Variants in CASZ1 observed in about 807,000 individuals in gnomAD.
CASZ1 encodes the protein castor zinc finger 1, also known as zinc finger protein castor homolog 1.
CASZ1 carries 28 observed loss-of-function variants against 135.2 expected under a neutral mutation model. The ratio of observed to expected loss-of-function variants is 0.21; its 90% CI spans 0.15 to 0.28. The LOEUF (loss-of-function observed/expected upper bound fraction) is 0.28, where lower values mean the gene tolerates loss of function less well. CASZ1 is among the 10% of genes least tolerant of loss of function. The pLI is 1.00. For missense variants in CASZ1, 2,161 were observed against 2,453.3 expected, an observed-to-expected ratio of 0.88 and a Z score of 2.52; for synonymous variants, 1,068 against 1,073.4, an observed-to-expected ratio of 0.99 and a Z score of 0.10.
At chr1:10,792,796 G>A (rs1441259356) in intron 1 of CASZ1, among the ~76,000 whole-genome samples, 1 of 150,238 alleles carries the variant, frequency 6.7e-6, no homozygotes, top group East Asian at 1.9e-4. Flanking sequence ...AGAGGTTATC[G>A]ATATTCTCCC....
intron 3 of CASZ1, among the ~76,000 whole-genome samples, chr1:10,698,814 G>GGA (rs1639000020): frequency 6.6e-6 from 1 of 152,220 alleles, no homozygotes; most frequent in African/African-American, 2.4e-5. Flanking sequence ...GAAGTCCTCA[G>GGA]CTCTGTCTCA....
At position 10,711,100 on chromosome 1, in the gene CASZ1, C is replaced by T. The variant is rs1639277298; in HGVS notation, c.-76-5556G>A. Among the ~76,000 whole-genome samples, 1 of 152,180 alleles carries T rather than the reference C, an allele frequency of 6.6e-6. No homozygotes were observed. The highest frequency in any genetic ancestry group is 2.4e-5 in the African/African-American group (1 of 41,440). ...GAGCTGAGATCATGCAACTACACTC[C>T]AGCCTGGGCGACAGAGCGAGACTCC... On this transcript the variant is annotated intron_variant, in intron 2 of 20. Coordinates refer to ENST00000377022, the MANE Select transcript of CASZ1 (RefSeq NM_001079843.3). The surrounding 1 kb of genome is among the most constrained non-coding windows in gnomAD (Gnocchi z 4.4).
At chr1:10,654,387 C>T (rs1642716773) in intron 10 of CASZ1, 32 bp downstream of exon 10, 8 of 1,605,726 alleles carry the variant, frequency 5.0e-6, no homozygotes, top group Non-Finnish European at 6.8e-6. Flanking sequence ...CCCGCTTCTG[C>T]CCACGAAGGC....
intron 2 of CASZ1, among the ~76,000 whole-genome samples, chr1:10,729,135 C>T (rs1639651525): frequency 1.3e-5 from 2 of 152,094 alleles, no homozygotes; most frequent in Admixed American, 6.5e-5. Flanking sequence ...GAGGGGGCGG[C>T]CGGCCTGCGG....
chr1:10,649,725 C>T (rs1164482952), intron 13 of CASZ1: 9 of 358,814 alleles, frequency 2.5e-5, no homozygotes, highest in Admixed American at 1.3e-4. Context: ...TCAGGGTGCA[C>T]GCTGCAGCCC....
intron 1 of CASZ1, among the ~76,000 whole-genome samples, chr1:10,787,051 ATTCT>A (rs1640871974): frequency 6.6e-6 from 1 of 152,156 alleles, no homozygotes. Flanking sequence ...ACCATGATAA[ATTCT>A]TCGTTACGTT....
chr1:10,670,888 C>T (rs564154659), intron 4 of CASZ1, among the ~76,000 whole-genome samples: 38 of 152,254 alleles, frequency 2.5e-4, no homozygotes, highest in African/African-American at 8.9e-4. Context: ...GGGAGTCCTT[C>T]CCTCTTGGAC....
chr1:10,749,919 G>C (rs757424826), intron 2 of CASZ1, among the ~76,000 whole-genome samples: 7 of 152,168 alleles, frequency 4.6e-5, no homozygotes, highest in Non-Finnish European at 1.0e-4. Flanking sequence ...AGGCTCACAC[G>C]GGTCTCCGGA....
rs1639925540 is a variant in CASZ1 at position 10,741,747 on chromosome 1, T to C, written c.-77+18954A>G. ...GGAATGCCAGACATTTTGCAGCTTT[T>C]ATAACATGTGTAGGAGTCTTTACAA... On this transcript the variant is annotated intron_variant, in intron 2 of 20. Transcript: ENST00000377022. This position sits in a 1 kb window ranked among gnomAD's most constrained non-coding sequence, Gnocchi z 5.0. 6.6e-6 allele frequency among the ~76,000 whole-genome samples: 1 copy of C among 152,160 alleles called. No homozygotes were observed. The highest frequency in any genetic ancestry group is 2.4e-5 in the African/African-American group (1 of 41,448).
chr1:10,693,729 GGCCGGGAC>G, intron 4 of CASZ1, 137 bp downstream of exon 4: 1 of 783,082 alleles, frequency 1.3e-6, no homozygotes, highest in Non-Finnish European at 2.2e-6. Context: ...CCGATCCCGA[GGCCGGGAC>G]GCCGGGAGGC....
chr1:10,787,098 A>G, intron 1 of CASZ1, among the ~76,000 whole-genome samples: 1 of 152,202 alleles, frequency 6.6e-6, no homozygotes, highest in East Asian at 1.9e-4. Flanking sequence ...CATAGCTAAG[A>G]GCCCAGCCAA....
chr1:10,739,994 G>C lies in CASZ1; in HGVS notation c.-77+20707C>G, dbSNP rs906890962. ...GGACAAGGTCTCATTCCAGTGGCCC[G>C]GTGTCACAGCGTGTCCTCATTTGCA... On this transcript the variant is annotated intron_variant, in intron 2 of 20. Transcript: ENST00000377022. This position sits in a 1 kb window ranked among gnomAD's most constrained non-coding sequence, Gnocchi z 4.8. Among the ~76,000 whole-genome samples the C allele has an allele frequency of 6.6e-6, 1 of 152,148 alleles. No individual in the cohort carries two copies. The highest frequency in any genetic ancestry group is 2.4e-5 in the African/African-American group (1 of 41,424).
At chr1:10,772,286 A>G (rs1354265714) in intron 1 of CASZ1, among the ~76,000 whole-genome samples, 2 of 152,182 alleles carry the variant, frequency 1.3e-5, no homozygotes, top group African/African-American at 4.8e-5. Context: ...CACATCCATC[A>G]GTCCCAGGCA....
rs367739881 is a variant in CASZ1 at position 10,660,345 on chromosome 1, G to A, written c.697C>T (p.Arg233Trp). 26 of 1,614,154 alleles carry A rather than the reference G, an allele frequency of 1.6e-5. No individual in the cohort carries two copies. Among genetic ancestry groups the A allele is most frequent in the East Asian group, 2.2e-5 (1 of 44,876 alleles). The change falls in exon 6 of 21, where the codon CGG becomes TGG. Residue 233 changes from arginine (R) to tryptophan (W), a missense_variant. Physicochemically the swap from Arg to Trp is moderately radical, Grantham distance 101. Coordinates refer to ENST00000377022, the MANE Select transcript of CASZ1 (RefSeq NM_001079843.3). ...TCCTCATACTTAGAGAACCGCGCCC[G>A]CTTGCTGAGGGTATCCTCGGAGGTG... Reference protein sequence around the residue: ...LPTSEDTLSKRARFSKYEEYI... With the variant: ...LPTSEDTLSKWARFSKYEEYI...
chr1:10,703,118 G>A (rs1048548485), intron 3 of CASZ1, among the ~76,000 whole-genome samples: 1 of 152,166 alleles, frequency 6.6e-6, no homozygotes, highest in Non-Finnish European at 1.5e-5. Flanking sequence ...AAAGAGGACA[G>A]CAAGAGAGAC....
chr1:10,733,148 G>A (rs1198487555), intron 2 of CASZ1, among the ~76,000 whole-genome samples: 1 of 152,194 alleles, frequency 6.6e-6, no homozygotes, highest in Admixed American at 6.5e-5. Context: ...AGGAAAGAAA[G>A]AGGGCAGGCC....
At chr1:10,650,794 C>A (rs767535083) in intron 12 of CASZ1, 39 bp from the exon 13 acceptor site, 3 of 1,609,398 alleles carry the variant, frequency 1.9e-6, no homozygotes, top group Non-Finnish European at 1.7e-6. Context: ...CTCAGACGGC[C>A]GGGGCCTGGG....
intron 2 of CASZ1, among the ~76,000 whole-genome samples, chr1:10,728,451 C>T (rs940681207): frequency 7.9e-4 from 121 of 152,324 alleles, no homozygotes; most frequent in African/African-American, 2.8e-3. Flanking sequence ...GTCACCAGGA[C>T]AATCCTGTCC....
chr1:10,684,844 T>G (rs1159299409), intron 4 of CASZ1, among the ~76,000 whole-genome samples: 1 of 152,172 alleles, frequency 6.6e-6, no homozygotes, highest in Non-Finnish European at 1.5e-5. Context: ...GACCTGAGCC[T>G]CTCCCATCTG....
Sources: allele counts gnomAD v4.1 joint callset (sites outside exome capture counted in the v4.1 genomes callset), GRCh38; gene constraint gnomAD v4.1.1; non-coding constraint Gnocchi (gnomAD v3.1); transcripts MANE v1.5; gene names NCBI Gene and HGNC (gene_info 2026-07-23, HGNC 2026-07-21).